The following CELSR3 variants were observed in gnomAD, a reference collection of about 807,000 sequenced individuals.
CELSR3 encodes EGF-like protein 1.
Under a neutral mutation model 270.0 loss-of-function variants are expected in CELSR3, and 73 were observed. The observed-to-expected ratio is 0.27, with a 90% confidence interval of 0.22 to 0.33. CELSR3 has a LOEUF of 0.33. Ranked by LOEUF, CELSR3 falls within the 10% of genes least tolerant of loss-of-function variation. The pLI, the probability that CELSR3 is intolerant of heterozygous loss-of-function variation, is 1.00. For missense variants in CELSR3, 3,614 were observed against 4,533.8 expected (o/e 0.80, Z 5.83); for synonymous variants, 1,780 against 1,905.4 (o/e 0.93, Z 1.71).
Position 48,653,720 on chromosome 3 carries a change from C to G in CELSR3, c.5347G>C (p.Val1783Leu), listed in dbSNP as rs146031238. The G allele has an allele frequency of 1.3e-3, 2,036 of 1,614,214 alleles. 4 individuals are homozygous for G. The highest frequency in any genetic ancestry group is 1.4e-3 in the Non-Finnish European group (1,599 of 1,180,046). The change falls in exon 9 of 35, where the codon GTG becomes CTG. Residue 1783 changes from valine to leucine, a missense_variant. By Grantham distance (32) the Val-to-Leu change is conservative (BLOSUM62 1). Around this residue, in one of 7 missense-constraint regions of CELSR3, gnomAD observed 1,331 missense variants for 1,933.7 expected, o/e 0.69. Transcript: ENST00000164024. This position sits in a 1 kb window ranked among gnomAD's most constrained non-coding sequence, Gnocchi z 6.5. ...AGCCCCAGGTACCATGGCACAGACA[C>G]AGCCATGTCACTTCCAAAGTTCCAG... ...LSWNFGSDMAVSVPWYLGLAF... is the reference protein window; with the variant it reads ...LSWNFGSDMALSVPWYLGLAF...
At chr3:48,643,310 C>A (rs917065079) in intron 28 of CELSR3, 2 of 640,074 alleles carry the variant, frequency 3.1e-6, no homozygotes, top group South Asian at 4.0e-5. Flanking sequence ...GGGTCGGGAG[C>A]CTTGGTGTTG....
At position 48,659,026 on chromosome 3, in the gene CELSR3, G is replaced by T; in HGVS notation, c.3609C>A (p.Ser1203=). The T allele has an allele frequency of 6.2e-7, 1 of 1,613,996 alleles. No homozygotes were observed. The highest frequency in any genetic ancestry group is 1.1e-5 in the South Asian group (1 of 91,072). Residue 1203 remains serine, a synonymous_variant, in exon 1 of 35, where the codon TCC becomes TCA. Transcript: ENST00000164024. The surrounding 1 kb of genome is among the most constrained non-coding windows in gnomAD (Gnocchi z 8.1). ...GRIPAYDPDV[S]DHLFYSFERG... ...GCTCAAAGGAGTAGAAGAGGTGGTC[G>T]GAGACATCGGGGTCATAAGCTGGGA...
chr3:48,640,095 C>T lies in CELSR3; in HGVS notation c.9490G>A (p.Asp3164Asn). ...AGAGGTGGGGGCTGTGGGTCAAGGT[C>T]CCGGGTGCGGCGGGGCGGAGGCAGC... ...STLPPPRRTRDLDPQPPPLPL... is the reference protein window; with the variant it reads ...STLPPPRRTRNLDPQPPPLPL... Residue 3164 changes from aspartate (D) to asparagine (N), a missense_variant, in exon 34 of 35, where the codon GAC becomes AAC. This residue lies in a region of CELSR3 where 1,240 missense variants were observed against 1,351.7 expected (regional missense o/e 0.92). Transcript: ENST00000164024. The surrounding 1 kb of genome is among the most constrained non-coding windows in gnomAD (Gnocchi z 7.5). 1.2e-6 allele frequency: 2 copies of T among 1,611,128 alleles called. No homozygotes were observed. The highest frequency in any genetic ancestry group is 2.7e-5 in the African/African-American group (2 of 75,022).
chr3:48,655,152 A>G lies in CELSR3; in HGVS notation c.4880T>C (p.Val1627Ala). 6.2e-7 allele frequency: 1 copy of G among 1,613,962 alleles called. No individual in the cohort carries two copies. The highest frequency in any genetic ancestry group is 8.5e-7 in the Non-Finnish European group (1 of 1,179,948). Residue 1627 changes from valine (V) to alanine (A), a missense_variant, in exon 6 of 35, where the codon GTG becomes GCG. Coordinates refer to ENST00000164024, the MANE Select transcript of CELSR3 (RefSeq NM_001407.3). This position sits in a 1 kb window ranked among gnomAD's most constrained non-coding sequence, Gnocchi z 5.8. ...ACAATCATCCACGCTTAGCACAGCC[A>G]CCTTGTCCTTGGAGGGGCCCTGTGC... ...GGAQGPSKDK[V>A]AVLSVDDCDV...
In CELSR3 at chr3:48,659,507, C is replaced by T; in HGVS notation, c.3128G>A (p.Gly1043Asp). The stretch of plus-strand genomic sequence containing the variant: ...GACTGGAGTCCGGAGTGGGGGCACA[C>T]CTCTGTCCACTGCGTAGGCAGTCAA... ...YELTAYAVDRGVPPLRTPVSI... is the reference protein window; with the variant it reads ...YELTAYAVDRDVPPLRTPVSI... Residue 1043 changes from glycine (G) to aspartate (D), a missense_variant, in exon 1 of 35, where the codon GGT (glycine) becomes GAT (aspartate). Gly to Asp is a moderately conservative substitution (Grantham distance 94, BLOSUM62 -1). Coordinates refer to ENST00000164024, the MANE Select transcript of CELSR3 (RefSeq NM_001407.3). This position sits in a 1 kb window ranked among gnomAD's most constrained non-coding sequence, Gnocchi z 8.1. The T allele has an allele frequency of 6.2e-7, 1 of 1,614,218 alleles. No homozygotes were observed.
In CELSR3 at chr3:48,655,003, G is replaced by A; in HGVS notation, c.4988+41C>T. 6.3e-7 allele frequency: 1 copy of A among 1,595,630 alleles called. No homozygotes were observed. The highest frequency in any genetic ancestry group is 8.6e-7 in the Non-Finnish European group (1 of 1,163,536). On this transcript the variant is annotated intron_variant, in intron 6 of 34. Coordinates refer to ENST00000164024, the MANE Select transcript of CELSR3 (RefSeq NM_001407.3). This position sits in a 1 kb window ranked among gnomAD's most constrained non-coding sequence, Gnocchi z 5.8. ...GATGTGAAGGGTTGGAGTGGGCTTTGGTAGGCAGGGGACAAGGGGACTAGG... is the reference window on the plus strand; with the variant it reads ...GATGTGAAGGGTTGGAGTGGGCTTTAGTAGGCAGGGGACAAGGGGACTAGG...
chr3:48,643,730 C>A, intron 27 of CELSR3, 53 bp from the exon 28 acceptor site: 1 of 1,541,118 alleles, frequency 6.5e-7, no homozygotes, highest in African/African-American at 1.4e-5. Flanking sequence ...TCATGTAGGA[C>A]TCATGCAGGG....
In CELSR3 at chr3:48,659,064, T is replaced by G. The variant is rs751447965; in HGVS notation, c.3571A>C (p.Ile1191Leu). The change falls in exon 1 of 35, where the codon ATT becomes CTT. Residue 1191 changes from isoleucine (I) to leucine (L), a missense_variant. Coordinates refer to ENST00000164024, the MANE Select transcript of CELSR3 (RefSeq NM_001407.3). This position sits in a 1 kb window ranked among gnomAD's most constrained non-coding sequence, Gnocchi z 8.1. ...TCATAAGCTGGGATGCGCCCAATAA[T>G]GCCCGACGGGAAGGTGTCTGAACGG... Reference protein sequence around the residue: ...SNRSDTFPSGIIGRIPAYDPD... With the variant: ...SNRSDTFPSGLIGRIPAYDPD... The G allele has an allele frequency of 2.5e-5, 40 of 1,614,062 alleles. No individual in the cohort carries two copies. Among genetic ancestry groups the G allele is most frequent in the Admixed American group, 2.3e-4 (14 of 60,002 alleles).
Position 48,662,250 on chromosome 3 carries a change from G to C in CELSR3, c.385C>G (p.Pro129Ala). 4 of 1,613,138 alleles carry C rather than the reference G, an allele frequency of 2.5e-6. No homozygotes were observed. The highest frequency in any genetic ancestry group is 3.4e-6 in the Non-Finnish European group (4 of 1,180,030). The change falls in exon 1 of 35, where the codon CCA becomes GCA. Residue 129 changes from proline (P) to alanine (A), a missense_variant. This residue lies in a region of CELSR3 where 470 missense variants were observed against 469.7 expected (regional missense o/e 1.00). Coordinates refer to ENST00000164024, the MANE Select transcript of CELSR3 (RefSeq NM_001407.3). This position sits in a 1 kb window ranked among gnomAD's most constrained non-coding sequence, Gnocchi z 7.1. ...GSRERETGQGPGSVLYWRPEV... is the reference protein window; with the variant it reads ...GSRERETGQGAGSVLYWRPEV... ...GGGCGCCAGTATAACACAGACCCTG[G>C]TCCCTGTCCTGTCTCTCGTTCGCGG... is the stretch of plus-strand genomic sequence containing the variant.
In CELSR3 at chr3:48,662,557, C is replaced by T; in HGVS notation, c.78G>A (p.Leu26=). The T allele has an allele frequency of 6.3e-7, 1 of 1,581,856 alleles. No individual in the cohort carries two copies. Among genetic ancestry groups the T allele is most frequent in the South Asian group, 1.1e-5 (1 of 87,734 alleles). Residue 26 remains leucine (L), a synonymous_variant, in exon 1 of 35, where the codon TTG becomes TTA. Transcript: ENST00000164024. The surrounding 1 kb of genome is among the most constrained non-coding windows in gnomAD (Gnocchi z 7.1). The part of the protein sequence containing the change: ...TPILLLLLLS[L]FPLSQEELGG... ...CCAGCTCCTCCTGGCTGAGGGGGAA[C>T]AAAGAGAGGAGAAGGAGCAGGAGTA...
rs1010107954 is a variant in CELSR3, at chr3:48,644,525, T to C, written c.8085+191A>G. Among the ~76,000 whole-genome samples the C allele has an allele frequency of 3.9e-5, 6 of 151,956 alleles. No individual in the cohort carries two copies. Among genetic ancestry groups the C allele is most frequent in the Admixed American group, 2.6e-4 (4 of 15,268 alleles). On this transcript the variant is annotated intron_variant, in intron 26 of 34. Transcript: ENST00000164024. This position sits in a 1 kb window ranked among gnomAD's most constrained non-coding sequence, Gnocchi z 4.8. ...ACAGAGGCAGGGACAGGCAACTGAA[T>C]CTCTGACCCCGCGCCCCCATCTCCA... is the stretch of plus-strand genomic sequence containing the variant.
Position 48,662,321 on chromosome 3 carries a change from G to A in CELSR3, c.314C>T (p.Pro105Leu). 1 of 1,612,948 alleles carries A rather than the reference G, an allele frequency of 6.2e-7. No homozygotes were observed. The highest frequency in any genetic ancestry group is 1.1e-5 in the South Asian group (1 of 91,086). The change falls in exon 1 of 35, where the codon CCG becomes CTG. Residue 105 changes from proline (P) to leucine (L), a missense_variant. Physicochemically the swap from Pro to Leu is moderately conservative, Grantham distance 98. Around this residue, in one of 7 missense-constraint regions of CELSR3, gnomAD observed 470 missense variants for 469.7 expected, o/e 1.00. Transcript: ENST00000164024. The surrounding 1 kb of genome is among the most constrained non-coding windows in gnomAD (Gnocchi z 7.1). ...GTGTTCAATCCCCAGCTCCTCATTC[G>A]GCTGCTCAGGGGGCCCTCGACTATT... The part of the protein sequence containing the change: ...ARNSRGPPEQ[P>L]NEELGIEHGV...
chr3:48,659,173 A>G lies in CELSR3; in HGVS notation c.3462T>C (p.Thr1154=). The change falls in exon 1 of 35, where the codon ACT becomes ACC. Residue 1154 remains threonine (T), a synonymous_variant. Transcript: ENST00000164024. This position sits in a 1 kb window ranked among gnomAD's most constrained non-coding sequence, Gnocchi z 8.1. The part of the protein sequence containing the change: ...ATSAPLVSRA[T]VHVRLVDQND... ...TCTGGTCAACCAGGCGGACGTGCAC[A>G]GTGGCCCGGCTGACCAAAGGAGCAG... The G allele has an allele frequency of 1.2e-6, 2 of 1,614,228 alleles. No individual in the cohort carries two copies. The highest frequency in any genetic ancestry group is 2.2e-5 in the South Asian group (2 of 91,092).
chr3:48,653,380 C>A lies in CELSR3; in HGVS notation c.5449-193G>T, dbSNP rs2047154305. 6.6e-6 allele frequency among the ~76,000 whole-genome samples: 1 copy of A among 152,090 alleles called. No individual in the cohort carries two copies. On this transcript the variant is annotated intron_variant, in intron 9 of 34. Transcript: ENST00000164024. The surrounding 1 kb of genome is among the most constrained non-coding windows in gnomAD (Gnocchi z 6.5). ...GGGGTCAGGGGGCAGAGGATAGGAC[C>A]AGGTGTTGTGGGTGGGTTGGTGCAG...
Position 48,653,267 on chromosome 3 carries a change from G to T in CELSR3, c.5449-80C>A. The stretch of plus-strand genomic sequence containing the variant: ...GGAGGTGAGATCAGAGGGCTCAGAG[G>T]TCAGGAATATCAGAGGTCAGAACAG... On this transcript the variant is annotated intron_variant, in intron 9 of 34. Transcript: ENST00000164024. This position sits in a 1 kb window ranked among gnomAD's most constrained non-coding sequence, Gnocchi z 6.5. The T allele has an allele frequency of 6.7e-6, 9 of 1,337,960 alleles. No individual in the cohort carries two copies. The highest frequency in any genetic ancestry group is 9.5e-6 in the Non-Finnish European group (9 of 952,330). The allele number at this position is 1,337,960 out of a possible 1,614,324, so 82.9% of individuals were successfully genotyped here. A position where few individuals can be genotyped will look rare whatever the true frequency, so the allele number is the denominator to read the frequency against.
intron 3 of CELSR3, 122 bp downstream of exon 3, chr3:48,656,018 G>A: frequency 8.3e-7 from 1 of 1,208,004 alleles, no homozygotes; most frequent in South Asian, 1.3e-5. Context: ...GAGACCCCGG[G>A]CGGGGCGTCA....
intron 28 of CELSR3, 63 bp downstream of exon 28, chr3:48,643,491 G>A: frequency 6.5e-7 from 1 of 1,527,034 alleles, no homozygotes; most frequent in Non-Finnish European, 8.8e-7. Flanking sequence ...GTCTGCCTAG[G>A]GATGGCCCCA....
rs1469231890 is a variant in CELSR3 at position 48,641,359 on chromosome 3, T to C, written c.8990A>G (p.Glu2997Gly). 1 of 1,612,108 alleles carries C rather than the reference T, an allele frequency of 6.2e-7. No homozygotes were observed. Among genetic ancestry groups the C allele is most frequent in the Admixed American group, 1.7e-5 (1 of 60,012 alleles). Residue 2997 changes from glutamate (E) to glycine (G), a missense_variant, in exon 33 of 35, where the codon GAG becomes GGG. Glu to Gly is a moderately conservative substitution (Grantham distance 98). Transcript: ENST00000164024. This position sits in a 1 kb window ranked among gnomAD's most constrained non-coding sequence, Gnocchi z 4.8. ...GCGCTGGGCCCGGCCCAGAGAAGTC[T>C]CATCCCCACTGGTCAGGGCCGGGTC... ...QPDPALTSGD[E>G]TSLGRAQRQR...
In CELSR3 at chr3:48,661,164, G is replaced by T. The variant is rs1343155694; in HGVS notation, c.1471C>A (p.Arg491Ser). 2 of 1,601,470 alleles carry T rather than the reference G, an allele frequency of 1.2e-6. No homozygotes were observed. The highest frequency in any genetic ancestry group is 2.2e-5 in the South Asian group (2 of 89,862). The change falls in exon 1 of 35, where the codon CGC (arginine) becomes AGC (serine). Residue 491 changes from arginine to serine, a missense_variant. By Grantham distance (110) the Arg-to-Ser change is moderately radical. Around this residue, in one of 7 missense-constraint regions of CELSR3, gnomAD observed 354 missense variants for 500.9 expected, o/e 0.71. Transcript: ENST00000164024. Reference sequence around the variant, plus strand: ...CCGCTGGTGCTGATGAGGCCGGAGCGTGGATCAATCTCGAAGGCGGCGGCA... The same window carrying T: ...CCGCTGGTGCTGATGAGGCCGGAGCTTGGATCAATCTCGAAGGCGGCGGCA... ...AAAAAFEIDP[R>S]SGLISTSGRV...
Sources: gnomAD v4.1 joint callset for allele counts (sites outside exome capture counted in the v4.1 genomes callset) on GRCh38, gnomAD v4.1.1 for gene constraint, gnomAD v4.1.1 regional missense constraint, Gnocchi (gnomAD v3.1) non-coding constraint, MANE v1.5 for transcripts, NCBI Gene and HGNC (gene_info 2026-07-23, HGNC 2026-07-21) for gene names.